KLC3: variants seen among roughly 807,000 people sequenced by gnomAD.
The protein encoded by KLC3 is kinesin light chain 2.
A neutral mutation model predicts 62.9 loss-of-function variants in KLC3; 72 were observed. The observed-to-expected ratio is 1.15, with a 90% confidence interval of 0.95 to 1.39. KLC3 has a LOEUF of 1.39. Ranked by LOEUF, KLC3 falls within the 40% of genes most tolerant of loss-of-function variation. KLC3 has a pLI of 0.00. For synonymous variants in KLC3, 377 were observed against 300.5 expected, an observed-to-expected ratio of 1.25 and a Z score of -2.63; for missense variants, 848 against 691.6, an observed-to-expected ratio of 1.23 and a Z score of -2.54.
intron 8 of KLC3, chr19:45,349,862 T>C: frequency 2.0e-6 from 1 of 504,316 alleles, no homozygotes; most frequent in Non-Finnish European, 3.5e-6. Flanking sequence ...TTTATTGAGC[T>C]CACTGTGGCC....
At chr19:45,341,766 G>A (rs1568519460) in intron 1 of KLC3, among the ~76,000 whole-genome samples, 1 of 87,708 alleles carries the variant, frequency 1.1e-5, no homozygotes, top group African/African-American at 4.2e-5. Context: ...GGTGTGTGAA[G>A]CCGTGTGTGC....
rs979588979 is a variant in KLC3 at position 45,351,426 on chromosome 19, A to AG, written c.*74dup. 8.8e-6 allele frequency: 14 copies of AG among 1,592,218 alleles called. No homozygotes were observed. The highest frequency in any genetic ancestry group is 5.4e-5 in the African/African-American group (4 of 74,642). On this transcript the variant is annotated 3_prime_UTR_variant, in exon 13 of 13. Coordinates refer to ENST00000391946, the MANE Select transcript of KLC3 (RefSeq NM_177417.3). ...AGGAGGGATGGGCTGGTGGGGTGAG[A>AG]GGGGGTCTATCATCTCCTGGCCCCC... is the stretch of plus-strand genomic sequence containing the variant.
At position 45,345,524 on chromosome 19, in the gene KLC3, T is replaced by C; in HGVS notation, c.-8-10T>C. 6.4e-7 allele frequency: 1 copy of C among 1,558,246 alleles called. No individual in the cohort carries two copies. Among genetic ancestry groups the C allele is most frequent in the Non-Finnish European group, 8.7e-7 (1 of 1,151,650 alleles). On this transcript the variant is annotated splice_polypyrimidine_tract_variant and intron_variant, in intron 1 of 12. Transcript: ENST00000391946. ...AATGATTCCCCAAACCCCTCACCAT[T>C]GCTCCCCAGGAGCAGCAATGTCTGT...
At position 45,345,549 on chromosome 19, in the gene KLC3, T is replaced by C; in HGVS notation, c.8T>C (p.Val3Ala). 1 of 1,565,122 alleles carries C rather than the reference T, an allele frequency of 6.4e-7. No homozygotes were observed. Among genetic ancestry groups the C allele is most frequent in the Non-Finnish European group, 8.7e-7 (1 of 1,155,480 alleles). MS[V>A]QVAAPGSAGL... ...TGCTCCCCAGGAGCAGCAATGTCTG[T>C]GCAGGTAGCGGCTCCTGGAAGTGCA... Residue 3 changes from valine (V) to alanine (A), a missense_variant, in exon 2 of 13, where the codon GTG (valine) becomes GCG (alanine). Val to Ala is a moderately conservative substitution (Grantham distance 64). Coordinates refer to ENST00000391946, the MANE Select transcript of KLC3 (RefSeq NM_177417.3).
At chr19:45,344,744 C>G (rs1055417840) in intron 1 of KLC3, 4 of 150,358 alleles carry the variant, frequency 2.7e-5, no homozygotes, top group African/African-American at 1.0e-4. Flanking sequence ...TAGAGGGGGG[C>G]CCCCACCCAC....
intron 1 of KLC3, 111 bp downstream of exon 1, chr19:45,340,957 A>G (rs1173298816): frequency 6.6e-6 from 1 of 152,180 alleles, no homozygotes; most frequent in Non-Finnish European, 1.5e-5. Context: ...GGGCTCCCGG[A>G]TGCCCCCTGC....
At chr19:45,349,633 G>A (rs1568525823) in intron 8 of KLC3, 31 bp downstream of exon 8, 2 of 1,581,750 alleles carry the variant, frequency 1.3e-6, no homozygotes, top group Admixed American at 3.4e-5. Flanking sequence ...AGTGGGCCAA[G>A]AGTGGAGGGT....
At position 45,346,613 on chromosome 19, in the gene KLC3, CGGCGGCTGGCCCAG is replaced by C. The variant is rs998922299; in HGVS notation, c.330_343del (p.Arg111GlufsTer51). The stretch of plus-strand genomic sequence containing the variant: ...GAAGCAGCGGCTGCGCTCGCAGGCC[CGGCGGCTGGCCCAG>C]GAGAACGTGTGGCTGCGGGAGGAAC... On this transcript the variant is annotated frameshift_variant, in exon 3 of 13. Transcript: ENST00000391946. LOFTEE classifies it high-confidence loss of function. 1 of 1,550,810 alleles carries C rather than the reference CGGCGGCTGGCCCAG, an allele frequency of 6.4e-7. No homozygotes were observed. The highest frequency in any genetic ancestry group is 1.4e-5 in the African/African-American group (1 of 73,058).
intron 1 of KLC3, among the ~76,000 whole-genome samples, chr19:45,344,578 G>A (rs1179770411): frequency 1.3e-5 from 2 of 152,094 alleles, no homozygotes; most frequent in African/African-American, 4.8e-5. Flanking sequence ...TTTCGGAGAG[G>A]AAAATGTGTA....
Position 45,348,946 on chromosome 19 carries a change from G to A in KLC3, c.969+25G>A, listed in dbSNP as rs144011257. The A allele has an allele frequency of 4.9e-4, 760 of 1,542,436 alleles. 3 individuals are homozygous for A. The East Asian group carries it at 0.012, about 23-fold the overall frequency. On this transcript the variant is annotated intron_variant, in intron 7 of 12. Coordinates refer to ENST00000391946, the MANE Select transcript of KLC3 (RefSeq NM_177417.3). ...GGTCCCATCCCCCTCACCCCACCCC[G>A]AGGAACCCCTTGTCCCATGTAGCCC...
intron 1 of KLC3, among the ~76,000 whole-genome samples, chr19:45,341,180 CTGTGTTTGTGTGTG>C (rs1251801862): frequency 1.3e-4 from 11 of 87,876 alleles, no homozygotes; most frequent in African/African-American, 7.0e-4. Flanking sequence ...TCCTGCCTGC[CTGTGTTTGTGTGTG>C]TGTGTGTGTG....
intron 1 of KLC3, chr19:45,344,771 G>C (rs1793975): frequency 6.6e-6 from 1 of 152,310 alleles, no homozygotes; most frequent in African/African-American, 2.4e-5. Flanking sequence ...CTGGGCTTCA[G>C]ACTCTCAGCT....
At chr19:45,349,695 GT>G in intron 8 of KLC3, 93 bp downstream of exon 8, 1 of 907,440 alleles carries the variant, frequency 1.1e-6, no homozygotes, top group South Asian at 2.1e-5. Flanking sequence ...CAACGTGAGG[GT>G]GGGGGGGGGC....
At chr19:45,341,961 CAG>C (rs1438808276) in intron 1 of KLC3, among the ~76,000 whole-genome samples, 1 of 151,880 alleles carries the variant, frequency 6.6e-6, no homozygotes, top group Non-Finnish European at 1.5e-5. Flanking sequence ...CGTCAGGGAT[CAG>C]TGTGTGGGAC....
rs574843053 is a variant in KLC3 at position 45,349,298 on chromosome 19, A to G, written c.970-131A>G. On this transcript the variant is annotated intron_variant, in intron 7 of 12. Transcript: ENST00000391946. ...GTTAGATGGTATAACTTGTGTCCCCAGCCCCCAACCTCTCAGGTCACTCTC... is the reference window on the plus strand; with the variant it reads ...GTTAGATGGTATAACTTGTGTCCCCGGCCCCCAACCTCTCAGGTCACTCTC... 1.2e-4 allele frequency: 112 copies of G among 915,154 alleles called. No homozygotes were observed. The African/African-American group carries it at 1.7e-3, about 14-fold the overall frequency. The allele number at this position is 915,154 out of a possible 1,614,324, so 56.7% of individuals were successfully genotyped here. A position where few individuals can be genotyped will look rare whatever the true frequency, so the allele number is the denominator to read the frequency against.
chr19:45,345,136 C>T (rs1024648331), intron 1 of KLC3: 15 of 336,526 alleles, frequency 4.5e-5, no homozygotes, highest in Middle Eastern at 1.6e-3. Flanking sequence ...CCAGGTCACA[C>T]GGCCAACCGG....
chr19:45,342,784 T>A (rs150848969), intron 1 of KLC3, among the ~76,000 whole-genome samples: 20 of 152,174 alleles, frequency 1.3e-4, no homozygotes, highest in African/African-American at 1.9e-4. Context: ...TAAAATTAAA[T>A]TTTTTAAAGG....
chr19:45,350,868 A>C, intron 11 of KLC3, 86 bp from the exon 12 acceptor site: 1 of 1,503,208 alleles, frequency 6.7e-7, no homozygotes, highest in Non-Finnish European at 9.2e-7. Flanking sequence ...TGATACACAC[A>C]GATCAAACCC....
At position 45,351,498 on chromosome 19, in the gene KLC3, A is replaced by G; in HGVS notation, c.*141A>G. ...GGATAGCTGCCTTCTCCTGCGATTA[A>G]AGGCTGTGGACGTGACAGTGAGAAA... On this transcript the variant is annotated 3_prime_UTR_variant, in exon 13 of 13. Transcript: ENST00000391946. The G allele has an allele frequency of 1.3e-6, 2 of 1,593,914 alleles. No individual in the cohort carries two copies. The highest frequency in any genetic ancestry group is 1.7e-6 in the Non-Finnish European group (2 of 1,174,672).
Sources: allele counts gnomAD v4.1 joint callset (sites outside exome capture counted in the v4.1 genomes callset), GRCh38; gene constraint gnomAD v4.1.1; transcripts MANE v1.5; gene names NCBI Gene and HGNC (gene_info 2026-07-23, HGNC 2026-07-21).